Variants in SKAP1 observed in about 807,000 individuals in gnomAD.
SKAP1 encodes the protein src kinase associated phosphoprotein 1.
SKAP1 carries 44 observed loss-of-function variants against 58.5 expected under a neutral mutation model. That is an observed-to-expected ratio of 0.75 (90% CI 0.59 to 0.97). SKAP1 has a LOEUF of 0.97. Ranked by LOEUF, SKAP1 falls within the 50% of genes least tolerant of loss-of-function variation. The pLI, the probability that SKAP1 is intolerant of heterozygous loss-of-function variation, is 0.00. For missense variants in SKAP1, 390 were observed against 435.2 expected (o/e 0.90, Z 0.92); for synonymous variants, 127 against 149.7 (o/e 0.85, Z 1.11).
intron 4 of SKAP1, among the ~76,000 whole-genome samples, chr17:48,261,132 G>A (rs558361182): frequency 3.9e-5 from 6 of 152,280 alleles, no homozygotes; most frequent in Admixed American, 3.3e-4. Flanking sequence ...CAAGTCCTAG[G>A]AGGGCAGGGG....
At chr17:48,337,287 C>T (rs2066585774) in intron 4 of SKAP1, among the ~76,000 whole-genome samples, 2 of 152,168 alleles carry the variant, frequency 1.3e-5, no homozygotes, top group South Asian at 4.1e-4. Flanking sequence ...CCATAATATT[C>T]TAGACTAAGA....
At chr17:48,188,193 G>A (rs901560942) in intron 5 of SKAP1, among the ~76,000 whole-genome samples, 9 of 152,074 alleles carry the variant, frequency 5.9e-5, no homozygotes, top group African/African-American at 2.2e-4. Flanking sequence ...TATATCTTTC[G>A]GGTTCTAATC....
intron 1 of SKAP1, among the ~76,000 whole-genome samples, chr17:48,429,107 C>T (rs933630969): frequency 1.3e-5 from 2 of 152,108 alleles, no homozygotes; most frequent in African/African-American, 2.4e-5. Context: ...AAAAATATGA[C>T]CTGCCCAAAG....
At chr17:48,194,554 G>T (rs2064598601) in intron 4 of SKAP1, among the ~76,000 whole-genome samples, 1 of 152,088 alleles carries the variant, frequency 6.6e-6, no homozygotes, top group Admixed American at 6.5e-5. Flanking sequence ...AGAGCACAAG[G>T]CTAATAGCAC....
At position 48,326,664 on chromosome 17, in the gene SKAP1, G is replaced by A. The variant is rs143814061; in HGVS notation, c.280+19241C>T. On this transcript the variant is annotated intron_variant, in intron 4 of 12. Transcript: ENST00000336915. ...TGTTTTTATTCCTAGGTTGATTGTG[G>A]ATCAGAATTCAGAGCAGGACATTAA... Among the ~76,000 whole-genome samples, 76 of 152,224 alleles carry A rather than the reference G, an allele frequency of 5.0e-4. 1 individual carries two copies. The highest frequency in any genetic ancestry group is 1.3e-3 in the Admixed American group (20 of 15,292).
rs564134052 is a variant in SKAP1, at chr17:48,238,079, C to T, written c.281-48579G>A. Among the ~76,000 whole-genome samples, 10 of 152,004 alleles carry T rather than the reference C, an allele frequency of 6.6e-5. No homozygotes were observed. The East Asian group carries it at 7.7e-4, about 12-fold the overall frequency. On this transcript the variant is annotated intron_variant, in intron 4 of 12. Transcript: ENST00000336915. The stretch of plus-strand genomic sequence containing the variant: ...CATGATCTTGGCTCACTGCAAGCTC[C>T]GCCTCCTGAGTACAAGCAATTCTCC...
chr17:48,202,276 C>G (rs1368928183), intron 4 of SKAP1, among the ~76,000 whole-genome samples: 1 of 152,096 alleles, frequency 6.6e-6, no homozygotes, highest in Non-Finnish European at 1.5e-5. Context: ...TCGTGATTCT[C>G]TGGGGGTATT....
intron 4 of SKAP1, among the ~76,000 whole-genome samples, chr17:48,234,881 T>C (rs2065163188): frequency 6.6e-6 from 1 of 152,220 alleles, no homozygotes; most frequent in Non-Finnish European, 1.5e-5. Context: ...GACCCTGGTT[T>C]AAATTCTGGA....
chr17:48,425,970 G>C (rs1409501517), intron 1 of SKAP1, among the ~76,000 whole-genome samples: 2 of 152,190 alleles, frequency 1.3e-5, no homozygotes, highest in African/African-American at 4.8e-5. Flanking sequence ...TTTGAAGATA[G>C]CCGTAGACTG....
intron 9 of SKAP1, among the ~76,000 whole-genome samples, chr17:48,171,820 T>C (rs1375691370): frequency 6.6e-6 from 1 of 151,660 alleles, no homozygotes; most frequent in East Asian, 1.9e-4. Flanking sequence ...CCCAACACTT[T>C]GGGAGGCCGA....
At chr17:48,229,318 T>C (rs1279858013) in intron 4 of SKAP1, among the ~76,000 whole-genome samples, 1 of 152,204 alleles carries the variant, frequency 6.6e-6, no homozygotes, top group Admixed American at 6.5e-5. Flanking sequence ...AACCTTTTTT[T>C]GTCATCATAA....
chr17:48,269,910 C>T (rs550611981), intron 4 of SKAP1, among the ~76,000 whole-genome samples: 3 of 152,080 alleles, frequency 2.0e-5, no homozygotes, highest in Admixed American at 6.5e-5. Context: ...GTCGGGAGTT[C>T]GCGACCTGCC....
At chr17:48,266,738 T>C (rs1270164836) in intron 4 of SKAP1, among the ~76,000 whole-genome samples, 1 of 152,020 alleles carries the variant, frequency 6.6e-6, no homozygotes, top group Admixed American at 6.6e-5. Flanking sequence ...TCTCGATCTC[T>C]TGACCTCGTG....
At chr17:48,414,071 A>C (rs1017049258) in intron 1 of SKAP1, among the ~76,000 whole-genome samples, 3 of 152,256 alleles carry the variant, frequency 2.0e-5, no homozygotes, top group Non-Finnish European at 4.4e-5. Context: ...TCACAGGCTA[A>C]GCACAAAAAG....
At chr17:48,167,283 C>T (rs1354975049) in intron 10 of SKAP1, among the ~76,000 whole-genome samples, 1 of 152,012 alleles carries the variant, frequency 6.6e-6, no homozygotes, top group Non-Finnish European at 1.5e-5. Context: ...ATTTCATAGC[C>T]CTTTAATCTT....
intron 4 of SKAP1, among the ~76,000 whole-genome samples, chr17:48,289,805 T>C (rs1395888449): frequency 6.6e-6 from 1 of 151,906 alleles, no homozygotes; most frequent in Non-Finnish European, 1.5e-5. Flanking sequence ...TAATATTTAA[T>C]CAAAAGTAAG....
chr17:48,376,310 C>T (rs997880830), intron 2 of SKAP1, among the ~76,000 whole-genome samples: 7 of 152,016 alleles, frequency 4.6e-5, no homozygotes, highest in African/African-American at 1.2e-4. Flanking sequence ...CTTCACTTTA[C>T]GGATGAGAAC....
intron 12 of SKAP1, chr17:48,136,675 A>AT (rs34752231): frequency 0.14 from 19,776 of 139,496 alleles, 1,400 homozygotes; most frequent in Middle Eastern, 0.16. Context: ...TTCTGTGTTA[A>AT]TTTTTTTTTT....
chr17:48,406,137 CAT>C, intron 1 of SKAP1, among the ~76,000 whole-genome samples: 1 of 149,258 alleles, frequency 6.7e-6, no homozygotes, highest in East Asian at 2.0e-4. Context: ...TGGTGGCACA[CAT>C]CTGTAGTCCC....
Sources: allele counts gnomAD v4.1 joint callset (sites outside exome capture counted in the v4.1 genomes callset), GRCh38; gene constraint gnomAD v4.1.1; transcripts MANE v1.5; gene names NCBI Gene and HGNC (gene_info 2026-07-23, HGNC 2026-07-21).